Variants in ARHGAP12 observed in about 807,000 individuals in gnomAD.
The protein encoded by ARHGAP12 is Rho GTPase activating protein 12, also known as rho GTPase-activating protein 12.
A neutral mutation model predicts 108.6 loss-of-function variants in ARHGAP12; 64 were observed. That is an observed-to-expected ratio of 0.59 (90% CI 0.48 to 0.73). The LOEUF is 0.73. ARHGAP12 is among the 30% of genes least tolerant of loss of function. The pLI, the probability that ARHGAP12 is intolerant of heterozygous loss-of-function variation, is 0.00. For missense variants in ARHGAP12, 940 were observed against 1,005.9 expected, an observed-to-expected ratio of 0.93 and a Z score of 0.89; for synonymous variants, 312 against 337.2, an observed-to-expected ratio of 0.93 and a Z score of 0.82.
At chr10:31,827,103 T>A (rs533732059) in intron 10 of ARHGAP12, 1 of 152,342 alleles carries the variant, frequency 6.6e-6, no homozygotes, top group South Asian at 2.1e-4. Flanking sequence ...TTATCTACTA[T>A]CCTATCTCCA....
At chr10:31,925,770 T>C (rs1840010180) in intron 1 of ARHGAP12, among the ~76,000 whole-genome samples, 1 of 152,210 alleles carries the variant, frequency 6.6e-6, no homozygotes, top group South Asian at 2.1e-4. Context: ...TCCAAAACTG[T>C]TGTTCGATAC....
intron 10 of ARHGAP12, chr10:31,826,644 A>G (rs895622329): frequency 5.8e-6 from 2 of 343,196 alleles, no homozygotes; most frequent in African/African-American, 4.2e-5. Flanking sequence ...TGACGCATGT[A>G]ATTATGTTCA....
Position 31,812,777 on chromosome 10 carries a change from C to T in ARHGAP12, c.1881G>A (p.Lys627=). 1 of 1,608,698 alleles carries T rather than the reference C, an allele frequency of 6.2e-7. No individual in the cohort carries two copies. The highest frequency in any genetic ancestry group is 1.1e-5 in the South Asian group (1 of 90,650). ...GTGTAAGAAACTTCTTTAAGTTTTTCTTGGTTTTTTTCTGTTCTGAAGAAT... is the reference window on the plus strand; with the variant it reads ...GTGTAAGAAACTTCTTTAAGTTTTTTTTGGTTTTTTTCTGTTCTGAAGAAT... The part of the protein sequence containing the change: ...SIDSSEQKKT[K]KNLKKFLTRR... The change falls in exon 15 of 20, where the codon AAG becomes AAA. Residue 627 remains lysine (K), a synonymous_variant. Coordinates refer to ENST00000344936, the MANE Select transcript of ARHGAP12 (RefSeq NM_018287.7).
chr10:31,900,825 G>A (rs1592358906), intron 3 of ARHGAP12, among the ~76,000 whole-genome samples: 1 of 144,988 alleles, frequency 6.9e-6, no homozygotes, highest in East Asian at 2.2e-4. Context: ...GAACCCCAAT[G>A]TATGCAAATT....
chr10:31,857,569 C>G (rs560304163), intron 4 of ARHGAP12, among the ~76,000 whole-genome samples: 1 of 152,194 alleles, frequency 6.6e-6, no homozygotes, highest in African/African-American at 2.4e-5. Context: ...GACAGGACTC[C>G]TCAAATTCGG....
chr10:31,831,852 A>C, intron 9 of ARHGAP12, 52 bp from the exon 10 acceptor site: 1 of 1,187,766 alleles, frequency 8.4e-7, no homozygotes, highest in Non-Finnish European at 1.2e-6. Context: ...ATGAGGTCCA[A>C]GTTCTTACAC....
At chr10:31,831,437 C>A (rs1371966741) in intron 10 of ARHGAP12, among the ~76,000 whole-genome samples, 1 of 151,958 alleles carries the variant, frequency 6.6e-6, no homozygotes, top group Non-Finnish European at 1.5e-5. Flanking sequence ...TCACTCAATA[C>A]TTAGTCTACC....
At chr10:31,891,813 C>T (rs1201800645) in intron 3 of ARHGAP12, among the ~76,000 whole-genome samples, 1 of 152,132 alleles carries the variant, frequency 6.6e-6, no homozygotes, top group Admixed American at 6.6e-5. Flanking sequence ...CTTCTCTTCT[C>T]ACTTCATTTC....
chr10:31,865,077 TA>T (rs1837273213), intron 3 of ARHGAP12, among the ~76,000 whole-genome samples: 1 of 152,004 alleles, frequency 6.6e-6, no homozygotes, highest in Non-Finnish European at 1.5e-5. Flanking sequence ...ACTGAGTATG[TA>T]AAAGGAGCAG....
chr10:31,905,439 C>T (rs1839094792), intron 3 of ARHGAP12, among the ~76,000 whole-genome samples: 2 of 152,096 alleles, frequency 1.3e-5, no homozygotes, highest in Non-Finnish European at 2.9e-5. Context: ...GTATCTTTAG[C>T]AGAAACAGTT....
At chr10:31,871,064 A>G (rs1837524979) in intron 3 of ARHGAP12, among the ~76,000 whole-genome samples, 1 of 152,184 alleles carries the variant, frequency 6.6e-6, no homozygotes, top group Admixed American at 6.5e-5. Flanking sequence ...AGCACAGAAA[A>G]ACTCAGCACT....
rs962221593 is a variant in ARHGAP12 at position 31,806,447 on chromosome 10, C to T, written c.*1211G>A. 3.3e-5 allele frequency: 5 copies of T among 152,602 alleles called. No homozygotes were observed. Among genetic ancestry groups the T allele is most frequent in the Admixed American group, 2.0e-4 (3 of 15,282 alleles). 9.5% of individuals were successfully genotyped at this position (152,602 alleles called of 1,614,324 possible). ...GTGTTTTATTATACAAAGCAATCTA[C>T]ATTAGTAGGTAAAAAGAAATTCTCA... is the stretch of plus-strand genomic sequence containing the variant. On this transcript the variant is annotated 3_prime_UTR_variant, in exon 20 of 20. Coordinates refer to ENST00000344936, the MANE Select transcript of ARHGAP12 (RefSeq NM_018287.7).
chr10:31,885,808 G>T (rs979588306), intron 3 of ARHGAP12, among the ~76,000 whole-genome samples: 5 of 137,504 alleles, frequency 3.6e-5, no homozygotes, highest in Admixed American at 7.8e-5. Context: ...GACAGAGCGA[G>T]ACACCAACTC....
Position 31,861,430 on chromosome 10 carries a change from T to A in ARHGAP12, c.913A>T (p.Ser305Cys), listed in dbSNP as rs775396873. The change falls in exon 4 of 20, where the codon AGC becomes TGC. Residue 305 changes from serine to cysteine, a missense_variant. Coordinates refer to ENST00000344936, the MANE Select transcript of ARHGAP12 (RefSeq NM_018287.7). ...PPRWTRDASI[S>C]KGDFQNPGDQ... is the part of the protein sequence containing the mutation. The stretch of plus-strand genomic sequence containing the variant: ...CCTGGATTTTGGAAATCTCCTTTGC[T>A]GATGCTTGCATCCCGAGTCCAACGA... 7 of 1,614,102 alleles carry A rather than the reference T, an allele frequency of 4.3e-6. No individual in the cohort carries two copies. Among genetic ancestry groups the A allele is most frequent in the Non-Finnish European group, 5.9e-6 (7 of 1,180,000 alleles).
At chr10:31,822,614 G>C (rs1252160588) in intron 11 of ARHGAP12, among the ~76,000 whole-genome samples, 1 of 152,122 alleles carries the variant, frequency 6.6e-6, no homozygotes, top group East Asian at 1.9e-4. Context: ...AAACAGACTT[G>C]TGTTAGCCAT....
chr10:31,870,936 A>C (rs1372049790), intron 3 of ARHGAP12, among the ~76,000 whole-genome samples: 2 of 152,312 alleles, frequency 1.3e-5, no homozygotes, highest in Middle Eastern at 3.4e-3. Context: ...TGAGCTAGGC[A>C]GTAGATGAAA....
At chr10:31,921,634 C>A (rs922715189) in intron 1 of ARHGAP12, among the ~76,000 whole-genome samples, 7 of 151,600 alleles carry the variant, frequency 4.6e-5, no homozygotes, top group Non-Finnish European at 1.0e-4. Context: ...CATGGTGGTG[C>A]ATGCCTGTAA....
At chr10:31,922,155 TG>T in intron 1 of ARHGAP12, among the ~76,000 whole-genome samples, 1 of 112,598 alleles carries the variant, frequency 8.9e-6, no homozygotes. Flanking sequence ...CACTCCAGCC[TG>T]GGAGACAGAG....
chr10:31,820,715 T>C (rs1419937512), intron 11 of ARHGAP12, among the ~76,000 whole-genome samples: 1 of 74,144 alleles, frequency 1.3e-5, no homozygotes, highest in Non-Finnish European at 2.5e-5. Context: ...CATCATATTA[T>C]ATATATATAT....
Sources: allele counts gnomAD v4.1 joint callset (sites outside exome capture counted in the v4.1 genomes callset), GRCh38; gene constraint gnomAD v4.1.1; transcripts MANE v1.5; gene names NCBI Gene and HGNC (gene_info 2026-07-23, HGNC 2026-07-21).